Variants in TECPR2 observed in about 807,000 individuals in gnomAD.
TECPR2 encodes the protein tectonin beta-propeller repeat-containing protein 2.
In TECPR2, 65 loss-of-function variants were observed where a neutral mutation model predicts 138.1. That is an observed-to-expected ratio of 0.47 (90% CI 0.39 to 0.58). The LOEUF (loss-of-function observed/expected upper bound fraction) is 0.58. Among genes scored for constraint, TECPR2 ranks in the 20% least tolerant of loss-of-function variants. TECPR2 has a pLI of 0.00. For synonymous variants in TECPR2, 746 were observed against 749.8 expected (o/e 0.99, Z 0.08); for missense variants, 1,553 against 1,824.5 (o/e 0.85, Z 2.71).
At chr14:102,431,735 A>G in intron 7 of TECPR2, 61 bp from the exon 8 acceptor site, 2 of 1,463,798 alleles carry the variant, frequency 1.4e-6, no homozygotes, top group South Asian at 1.4e-5. Flanking sequence ...GCAAACGTGG[A>G]TAAGTGCACA....
intron 6 of TECPR2, among the ~76,000 whole-genome samples, chr14:102,426,194 GT>G (rs34422069): frequency 1.3e-4 from 20 of 148,482 alleles, no homozygotes; most frequent in South Asian, 4.2e-4. Context: ...CCGCCACTTG[GT>G]TTTTTTTTTG....
At chr14:102,403,690 G>A (rs1888561336) in intron 2 of TECPR2, among the ~76,000 whole-genome samples, 1 of 152,020 alleles carries the variant, frequency 6.6e-6, no homozygotes, top group Non-Finnish European at 1.5e-5. Flanking sequence ...AGCATACAAA[G>A]TCAATGCACA....
Position 102,432,023 on chromosome 14 carries a change from C to G in TECPR2, c.1312C>G (p.Gln438Glu), listed in dbSNP as rs1441779749. ...CACCCCTGAGCTGGGCAAGGGCAGCCAGCCCCTGTCACAGAGATTCAACGC... is the reference window on the plus strand; with the variant it reads ...CACCCCTGAGCTGGGCAAGGGCAGCGAGCCCCTGTCACAGAGATTCAACGC... ...QATPELGKGS[Q>E]PLSQRFNAIS... Residue 438 changes from glutamine (Q) to glutamate (E), a missense_variant, in exon 8 of 20, where the codon CAG becomes GAG. Physicochemically the swap from Gln to Glu is conservative, Grantham distance 29. Coordinates refer to ENST00000359520, the MANE Select transcript of TECPR2 (RefSeq NM_014844.5). 6.2e-7 allele frequency: 1 copy of G among 1,612,986 alleles called. No homozygotes were observed.
intron 17 of TECPR2, among the ~76,000 whole-genome samples, chr14:102,472,155 G>A (rs1019540472): frequency 2.6e-5 from 4 of 152,240 alleles, no homozygotes; most frequent in African/African-American, 9.6e-5. Flanking sequence ...GGAGAGTAGG[G>A]CAAGCAGGAA....
At position 102,435,223 on chromosome 14, in the gene TECPR2, C is replaced by T. The variant is rs201744249; in HGVS notation, c.2394+12C>T. The T allele has an allele frequency of 3.4e-5, 53 of 1,577,062 alleles. No individual in the cohort carries two copies. Among genetic ancestry groups the T allele is most frequent in the Non-Finnish European group, 4.3e-5 (50 of 1,159,544 alleles). ...TCAAGCCAGATCAGGTATGTGGGTTCGGGTGGTGGGAAAAGTAGCTGAGGC... is the reference window on the plus strand; with the variant it reads ...TCAAGCCAGATCAGGTATGTGGGTTTGGGTGGTGGGAAAAGTAGCTGAGGC... On this transcript the variant is annotated intron_variant, in intron 9 of 19. Coordinates refer to ENST00000359520, the MANE Select transcript of TECPR2 (RefSeq NM_014844.5).
intron 5 of TECPR2, among the ~76,000 whole-genome samples, chr14:102,421,944 G>T (rs1455506170): frequency 6.6e-6 from 1 of 152,182 alleles, no homozygotes; most frequent in African/African-American, 2.4e-5. Flanking sequence ...GAAGGAATCA[G>T]CCAGGCATAG....
intron 13 of TECPR2, among the ~76,000 whole-genome samples, chr14:102,447,328 C>T (rs767297060): frequency 1.3e-5 from 2 of 151,910 alleles, no homozygotes; most frequent in African/African-American, 4.8e-5. Context: ...AGGCTGGTCT[C>T]GAACTCCTTG....
chr14:102,363,036 C>G lies in TECPR2; in HGVS notation c.-153C>G, dbSNP rs969406735. The G allele has an allele frequency of 7.3e-6, 5 of 687,832 alleles. No homozygotes were observed. The highest frequency in any genetic ancestry group is 1.1e-5 in the Non-Finnish European group (5 of 434,838). The allele number at this position is 687,832 out of a possible 1,614,324, so 42.6% of individuals were successfully genotyped here. A position where few individuals can be genotyped will look rare whatever the true frequency, so the allele number is the denominator to read the frequency against. ...CCCCGTTGCCCAGGGAACAGGCTCCCGGCAGCCCCCGCGGCCCGGAGTCCA... is the reference window on the plus strand; with the variant it reads ...CCCCGTTGCCCAGGGAACAGGCTCCGGGCAGCCCCCGCGGCCCGGAGTCCA... On this transcript the variant is annotated 5_prime_UTR_variant, in exon 1 of 20. Transcript: ENST00000359520.
rs1891377644 is a variant in TECPR2 at position 102,499,109 on chromosome 14, GA to G, written c.*855del. ...GCCTCCTGGAGAGCACACTTCAGCT[GA>G]AACAGTAAAGCCTGATGGGTGCAAA... On this transcript the variant is annotated 3_prime_UTR_variant, in exon 20 of 20. Coordinates refer to ENST00000359520, the MANE Select transcript of TECPR2 (RefSeq NM_014844.5). The G allele has an allele frequency of 1.4e-6, 1 of 703,020 alleles. No individual in the cohort carries two copies. The highest frequency in any genetic ancestry group is 2.6e-6 in the Non-Finnish European group (1 of 384,984). The allele number at this position is 703,020 out of a possible 1,614,324, so 43.5% of individuals were successfully genotyped here. A position where few individuals can be genotyped will look rare whatever the true frequency, so the allele number is the denominator to read the frequency against.
At chr14:102,408,436 A>G in intron 3 of TECPR2, 52 bp from the exon 4 acceptor site, 1 of 1,555,216 alleles carries the variant, frequency 6.4e-7, no homozygotes. Context: ...GCCCCAGCTC[A>G]CAGCATTTAT....
chr14:102,483,961 TG>T (rs1567360902), intron 17 of TECPR2, among the ~76,000 whole-genome samples: 9 of 35,642 alleles, frequency 2.5e-4, no homozygotes, highest in East Asian at 1.5e-3. Flanking sequence ...CATGCCTGGC[TG>T]ATTCTTATAT....
Position 102,499,404 on chromosome 14 carries a change from A to G in TECPR2, c.*1147A>G, listed in dbSNP as rs1595154312. 85 of 592,508 alleles carry G rather than the reference A, an allele frequency of 1.4e-4. No individual in the cohort carries two copies. In the East Asian group the frequency reaches 2.4e-3, roughly 17 times the overall value. 36.7% of individuals were successfully genotyped at this position (592,508 alleles called of 1,614,324 possible). A position where few individuals can be genotyped will look rare whatever the true frequency, so the allele number is the denominator to read the frequency against. On this transcript the variant is annotated 3_prime_UTR_variant, in exon 20 of 20. Coordinates refer to ENST00000359520, the MANE Select transcript of TECPR2 (RefSeq NM_014844.5). ...TTAGAAGAGAGATATGTTTTCCGAA[A>G]ACAGTGGAAGCCCTTTGTTCCTTCC... is the stretch of plus-strand genomic sequence containing the variant.
chr14:102,374,932 G>A (rs948507954), intron 1 of TECPR2, among the ~76,000 whole-genome samples: 1 of 152,206 alleles, frequency 6.6e-6, no homozygotes, highest in Non-Finnish European at 1.5e-5. Context: ...AGAGGGGTGA[G>A]TGAGGCAGAT....
At chr14:102,440,935 G>A (rs1404535956) in intron 11 of TECPR2, among the ~76,000 whole-genome samples, 1 of 151,836 alleles carries the variant, frequency 6.6e-6, no homozygotes, top group African/African-American at 2.4e-5. Context: ...TAAGAATACA[G>A]AGGAAGGACA....
intron 17 of TECPR2, among the ~76,000 whole-genome samples, chr14:102,480,886 G>A (rs766890361): frequency 8.7e-6 from 1 of 114,584 alleles, no homozygotes. Flanking sequence ...TTGCTCTGTC[G>A]CCCACTGGAG....
intron 17 of TECPR2, among the ~76,000 whole-genome samples, chr14:102,484,901 G>A (rs1027534695): frequency 2.0e-5 from 3 of 151,850 alleles, no homozygotes; most frequent in East Asian, 3.8e-4. Context: ...CAGGTGATCC[G>A]GTCTGCCTCG....
intron 17 of TECPR2, among the ~76,000 whole-genome samples, chr14:102,473,318 T>C (rs1314096927): frequency 3.3e-5 from 5 of 152,238 alleles, no homozygotes; most frequent in Non-Finnish European, 5.9e-5. Flanking sequence ...CAGAGGGTCC[T>C]GCAAATGAGC....
chr14:102,446,938 G>A (rs1889997737), intron 13 of TECPR2, among the ~76,000 whole-genome samples: 1 of 152,170 alleles, frequency 6.6e-6, no homozygotes, highest in African/African-American at 2.4e-5. Context: ...AAAGAGCCCA[G>A]ATAATAGGTT....
At position 102,482,092 on chromosome 14, in the gene TECPR2, C is replaced by A. The variant is rs546913734; in HGVS notation, c.3790-14887C>A. ...TGAGACAGAGCCTTGCTCTGTTGCC[C>A]AGGCTGGCGTGCAATGGTGCGATCA... is the stretch of plus-strand genomic sequence containing the variant. On this transcript the variant is annotated intron_variant, in intron 17 of 19. Coordinates refer to ENST00000359520, the MANE Select transcript of TECPR2 (RefSeq NM_014844.5). Among the ~76,000 whole-genome samples the A allele has an allele frequency of 7.2e-5, 11 of 152,168 alleles. 1 individual carries two copies. The East Asian group carries it at 1.9e-3, about 27-fold the overall frequency.
Sources: allele counts gnomAD v4.1 joint callset (sites outside exome capture counted in the v4.1 genomes callset), GRCh38; gene constraint gnomAD v4.1.1; transcripts MANE v1.5; gene names NCBI Gene and HGNC (gene_info 2026-07-23, HGNC 2026-07-21).